KIF17: variants seen among roughly 807,000 people sequenced by gnomAD.
The protein encoded by KIF17 is kinesin-like protein KIF17.
KIF17 carries 80 observed loss-of-function variants against 96.8 expected under a neutral mutation model. The ratio of observed to expected loss-of-function variants is 0.83; its 90% confidence interval spans 0.69 to 1.00. The LOEUF is 1.00. Among genes scored for constraint, KIF17 ranks in the 50% least tolerant of loss-of-function variants. KIF17 has a pLI of 0.00. For missense variants in KIF17, 1,280 were observed against 1,372.9 expected, an observed-to-expected ratio of 0.93 and a Z score of 1.07; for synonymous variants, 567 against 587.5, an observed-to-expected ratio of 0.97 and a Z score of 0.51.
chr1:20,687,188 C>G lies in KIF17; in HGVS notation c.1938+200G>C, dbSNP rs2053953049. Among the ~76,000 whole-genome samples, 1 of 152,240 alleles carries G rather than the reference C, an allele frequency of 6.6e-6. No individual in the cohort carries two copies. The highest frequency in any genetic ancestry group is 1.5e-5 in the Non-Finnish European group (1 of 68,040). On this transcript the variant is annotated intron_variant, in intron 8 of 14. Coordinates refer to ENST00000400463, the MANE Select transcript of KIF17 (RefSeq NM_001122819.3). This position sits in a 1 kb window ranked among gnomAD's most constrained non-coding sequence, Gnocchi z 4.4. ...TCTTATTGAATTACAGAGCATGAGA[C>G]AGAGCTTCTCCTTCCCTAACCCCTG...
In KIF17 at chr1:20,690,249, G is replaced by T; in HGVS notation, c.1320C>A (p.Ala440=). 6.2e-7 allele frequency: 1 copy of T among 1,613,290 alleles called. No homozygotes were observed. Among genetic ancestry groups the T allele is most frequent in the Non-Finnish European group, 8.5e-7 (1 of 1,179,640 alleles). Residue 440 remains alanine (A), a synonymous_variant, in exon 7 of 15, where the codon GCC becomes GCA. Coordinates refer to ENST00000400463, the MANE Select transcript of KIF17 (RefSeq NM_001122819.3). ...SRARLEEDIT[A]MRNSYDVRLS... is the part of the protein sequence containing the mutation. ...GCCTGACGTCATATGAGTTGCGCAT[G>T]GCAGTGATGTCTTCCTCCAGCCTGG... is the stretch of plus-strand genomic sequence containing the variant.
At chr1:20,696,349 C>G (rs1002838969) in intron 6 of KIF17, among the ~76,000 whole-genome samples, 2 of 152,054 alleles carry the variant, frequency 1.3e-5, no homozygotes, top group African/African-American at 4.8e-5. Flanking sequence ...AGGAGGGACG[C>G]AGGGATAGCG....
intron 1 of KIF17, among the ~76,000 whole-genome samples, chr1:20,716,294 G>A (rs56754051): frequency 0.01 from 1,529 of 152,126 alleles, 24 homozygotes; most frequent in African/African-American, 0.036. Flanking sequence ...CAGCACCTGC[G>A]GGGCTCTCAC....
chr1:20,667,327 T>A (rs1000971900), intron 13 of KIF17, among the ~76,000 whole-genome samples: 1 of 152,190 alleles, frequency 6.6e-6, no homozygotes, highest in Non-Finnish European at 1.5e-5. Flanking sequence ...GAGAATCTAA[T>A]GCCTGAAGAT....
chr1:20,670,527 G>A (rs72978883), intron 12 of KIF17, 39 bp from the exon 13 acceptor site: 5 of 1,601,260 alleles, frequency 3.1e-6, no homozygotes, highest in Non-Finnish European at 4.3e-6. Flanking sequence ...ACTGCTGCCT[G>A]GTGCAAGGCC....
rs1001304890 is a variant in KIF17 at position 20,700,660 on chromosome 1, C to A, written c.1124-2172G>T. On this transcript the variant is annotated intron_variant, in intron 5 of 14. Transcript: ENST00000400463. The surrounding 1 kb of genome is among the most constrained non-coding windows in gnomAD (Gnocchi z 4.6). Reference sequence around the variant, plus strand: ...CTTCTTTTCTACATTGCTTTATGTTCTATTATCTTGAGGGACTTGCTGGGC... The same window carrying A: ...CTTCTTTTCTACATTGCTTTATGTTATATTATCTTGAGGGACTTGCTGGGC... 1.3e-5 allele frequency among the ~76,000 whole-genome samples: 2 copies of A among 152,182 alleles called. No individual in the cohort carries two copies. Among genetic ancestry groups the A allele is most frequent in the Non-Finnish European group, 2.9e-5 (2 of 68,036 alleles).
At chr1:20,694,044 TG>T (rs2054090239) in intron 6 of KIF17, 1 of 152,126 alleles carries the variant, frequency 6.6e-6, no homozygotes, top group East Asian at 1.9e-4. Context: ...AGTTTATTGT[TG>T]GTCTCCTTGG....
intron 3 of KIF17, among the ~76,000 whole-genome samples, chr1:20,711,040 G>C (rs1327473371): frequency 6.6e-6 from 1 of 152,158 alleles, no homozygotes; most frequent in African/African-American, 2.4e-5. Flanking sequence ...GCCGCGTGTG[G>C]CCTGAGGGCA....
intron 3 of KIF17, among the ~76,000 whole-genome samples, chr1:20,712,906 T>TCTAATATAGATAATATATTATC (rs1557607194): frequency 3.8e-5 from 4 of 104,054 alleles, no homozygotes; most frequent in African/African-American, 1.5e-4. Flanking sequence ...ATTATCTATA[T>TCTAATATAGATAATATATTATC]TATATATATA....
At chr1:20,665,674 T>C (rs2053515088) in intron 14 of KIF17, among the ~76,000 whole-genome samples, 1 of 152,194 alleles carries the variant, frequency 6.6e-6, no homozygotes, top group Non-Finnish European at 1.5e-5. Context: ...GTGCTGGGAT[T>C]ACAAGGGTGA....
intron 11 of KIF17, among the ~76,000 whole-genome samples, chr1:20,678,875 G>A (rs2053781775): frequency 6.6e-6 from 1 of 151,904 alleles, no homozygotes; most frequent in Non-Finnish European, 1.5e-5. Context: ...CCCTTGAGGT[G>A]GAAACTGAAA....
chr1:20,682,114 ACACAC>A (rs1163054615), intron 11 of KIF17, among the ~76,000 whole-genome samples: 1 of 152,010 alleles, frequency 6.6e-6, no homozygotes, highest in Non-Finnish European at 1.5e-5. Flanking sequence ...ACCCACACAC[ACACAC>A]AACACATACC....
At chr1:20,703,453 G>A (rs1218471032) in intron 5 of KIF17, among the ~76,000 whole-genome samples, 3 of 151,380 alleles carry the variant, frequency 2.0e-5, no homozygotes, top group Non-Finnish European at 2.9e-5. Context: ...AATGGAGGGA[G>A]AGATGGGTAG....
downstream of KIF17, among the ~76,000 whole-genome samples, chr1:20,662,204 G>A (rs950749373): frequency 6.6e-6 from 1 of 152,178 alleles, no homozygotes; most frequent in Non-Finnish European, 1.5e-5. Context: ...ACTTAGCGCC[G>A]GGCTAGAGTG....
Position 20,717,825 on chromosome 1 carries a change from G to C in KIF17, c.-119C>G, listed in dbSNP as rs1466772647. On this transcript the variant is annotated 5_prime_UTR_variant, in exon 1 of 15. Coordinates refer to ENST00000400463, the MANE Select transcript of KIF17 (RefSeq NM_001122819.3). Reference sequence around the variant, plus strand: ...CACGGGGGGCGGGGCCTTGAGGCAGGGGCGGGGCCGCGGCGGGGGGCGGGG... The same window carrying C: ...CACGGGGGGCGGGGCCTTGAGGCAGCGGCGGGGCCGCGGCGGGGGGCGGGG... The C allele has an allele frequency of 1.9e-6, 2 of 1,050,718 alleles. No homozygotes were observed. Among genetic ancestry groups the C allele is most frequent in the East Asian group, 7.3e-5 (2 of 27,290 alleles). 65.1% of individuals were successfully genotyped at this position (1,050,718 alleles called of 1,614,324 possible). A position where few individuals can be genotyped will look rare whatever the true frequency, so the allele number is the denominator to read the frequency against.
rs750335655 is a variant in KIF17, at chr1:20,671,894, C to G, written c.2722+44G>C. ...CCTGCCAGTCTGCAGGATGGTAAGC[C>G]GTGAAGGAGGGAGGGGAGGGCAAGG... On this transcript the variant is annotated intron_variant, in intron 12 of 14. Transcript: ENST00000400463. 4 of 1,602,356 alleles carry G rather than the reference C, an allele frequency of 2.5e-6. No individual in the cohort carries two copies. The African/African-American group carries it at 5.3e-5, about 21-fold the overall frequency.
At chr1:20,689,102 G>A (rs1382172518) in intron 7 of KIF17, among the ~76,000 whole-genome samples, 1 of 152,168 alleles carries the variant, frequency 6.6e-6, no homozygotes, top group African/African-American at 2.4e-5. Flanking sequence ...ACAGTTATGG[G>A]AGGATTCAGG....
chr1:20,687,250 G>C lies in KIF17; in HGVS notation c.1938+138C>G, dbSNP rs918209652. 12 of 947,736 alleles carry C rather than the reference G, an allele frequency of 1.3e-5. No individual in the cohort carries two copies. The South Asian group carries it at 1.7e-4, about 13-fold the overall frequency. 58.7% of individuals were successfully genotyped at this position (947,736 alleles called of 1,614,324 possible). ...CCCTGAGCCAGCCACCAGTGCCAGA[G>C]CCGCAGCAGACACAGTGGAGCCACG... On this transcript the variant is annotated intron_variant, in intron 8 of 14. Transcript: ENST00000400463. The surrounding 1 kb of genome is among the most constrained non-coding windows in gnomAD (Gnocchi z 4.4).
chr1:20,683,871 A>G (rs1570446356), intron 10 of KIF17, among the ~76,000 whole-genome samples: 1 of 151,260 alleles, frequency 6.6e-6, no homozygotes, highest in African/African-American at 2.5e-5. Context: ...CTAGGATGCC[A>G]CCCCTGCAGC....
Sources: gnomAD v4.1 joint callset for allele counts (sites outside exome capture counted in the v4.1 genomes callset) on GRCh38, gnomAD v4.1.1 for gene constraint, Gnocchi (gnomAD v3.1) non-coding constraint, MANE v1.5 for transcripts, NCBI Gene and HGNC (gene_info 2026-07-23, HGNC 2026-07-21) for gene names.